The following RASGRP3 variants were observed in gnomAD, a reference collection of about 807,000 sequenced individuals.
The protein encoded by RASGRP3 is ras guanyl-releasing protein 3.
RASGRP3 carries 54 observed loss-of-function variants against 82.7 expected under a neutral mutation model. That is an observed-to-expected ratio of 0.65 (90% CI 0.52 to 0.82). The LOEUF (loss-of-function observed/expected upper bound fraction) is 0.82. Among genes scored for constraint, RASGRP3 ranks in the 40% least tolerant of loss-of-function variants. RASGRP3 has a pLI of 0.00. For missense variants in RASGRP3, 861 were observed against 828.9 expected (o/e 1.04, Z -0.48); for synonymous variants, 309 against 300.5 (o/e 1.03, Z -0.29).
At chr2:33,529,617 G>A (rs562352125) in intron 10 of RASGRP3, among the ~76,000 whole-genome samples, 1 of 152,030 alleles carries the variant, frequency 6.6e-6, no homozygotes, top group South Asian at 2.1e-4. Flanking sequence ...AAACTTAGAA[G>A]CCATCAAGCA....
chr2:33,457,305 C>G (rs576551794), intron 2 of RASGRP3, among the ~76,000 whole-genome samples: 2 of 151,798 alleles, frequency 1.3e-5, no homozygotes, highest in Non-Finnish European at 2.9e-5. Context: ...TTAAAAAAAC[C>G]TGGAACCCTC....
rs187480242 is a variant in RASGRP3, at chr2:33,446,927, A to C, written c.-384-893A>C. On this transcript the variant is annotated intron_variant, in intron 1 of 18. Transcript: ENST00000402538. ...GGGAGGCCGAGGCGGGTGCATTACGAGGTCAGGAGATGGAAACCATCCTGG... is the reference window on the plus strand; with the variant it reads ...GGGAGGCCGAGGCGGGTGCATTACGCGGTCAGGAGATGGAAACCATCCTGG... 2.6e-5 allele frequency among the ~76,000 whole-genome samples: 4 copies of C among 151,862 alleles called. No homozygotes were observed. The East Asian group carries it at 7.8e-4, about 30-fold the overall frequency.
rs377114910 is a variant in RASGRP3 at position 33,519,981 on chromosome 2, A to G, written c.203A>G (p.Asn68Ser). 15 of 1,610,204 alleles carry G rather than the reference A, an allele frequency of 9.3e-6. No homozygotes were observed. The highest frequency in any genetic ancestry group is 8.0e-5 in the African/African-American group (6 of 74,898). ...MYRNATGESC[N>S]EFRLKICYFM... ...CGAAATGCCACTGGAGAAAGCTGCA[A>G]TGAATTTCGATTAAAGATCTGCTAC... Residue 68 changes from asparagine to serine, a missense_variant, in exon 5 of 18, where the codon AAT (asparagine) becomes AGT (serine). Asn to Ser is a conservative substitution (Grantham distance 46). Coordinates refer to ENST00000403687, the MANE Select transcript of RASGRP3 (RefSeq NM_001139488.2).
intron 6 of RASGRP3, among the ~76,000 whole-genome samples, chr2:33,521,054 T>C (rs952856201): frequency 6.6e-6 from 1 of 152,208 alleles, no homozygotes; most frequent in African/African-American, 2.4e-5. Flanking sequence ...ACCAGCAGCA[T>C]TGGCGTTACC....
rs559173161 is a variant in RASGRP3 at position 33,563,672 on chromosome 2, A to C, written c.*935A>C. 6.6e-6 allele frequency: 1 copy of C among 150,966 alleles called. No homozygotes were observed. The highest frequency in any genetic ancestry group is 1.5e-5 in the Non-Finnish European group (1 of 67,862). 9.4% of individuals were successfully genotyped at this position (150,966 alleles called of 1,614,324 possible). ...AACCATCAATTTTTTTAAACTCAAT[A>C]ATTTTGTGAAAAAAAAAACCACCAC... On this transcript the variant is annotated 3_prime_UTR_variant, in exon 18 of 18. Coordinates refer to ENST00000403687, the MANE Select transcript of RASGRP3 (RefSeq NM_001139488.2).
At chr2:33,479,751 C>G (rs1471231485) in intron 1 of RASGRP3, among the ~76,000 whole-genome samples, 1 of 152,128 alleles carries the variant, frequency 6.6e-6, no homozygotes, top group Non-Finnish European at 1.5e-5. Flanking sequence ...TTTTCTGGGT[C>G]ATCAGACTTG....
At chr2:33,440,598 G>A (rs373663336) in intron 1 of RASGRP3, among the ~76,000 whole-genome samples, 55 of 152,260 alleles carry the variant, frequency 3.6e-4, no homozygotes, top group Middle Eastern at 3.4e-3. Context: ...GATGGCCCTC[G>A]TAGAATTCTC....
intron 1 of RASGRP3, among the ~76,000 whole-genome samples, chr2:33,441,082 A>G (rs1665200282): frequency 6.6e-6 from 1 of 152,070 alleles, no homozygotes; most frequent in Non-Finnish European, 1.5e-5. Context: ...TAGTAGAAAC[A>G]GGGTTTCACC....
At position 33,524,482 on chromosome 2, in the gene RASGRP3, C is replaced by A; in HGVS notation, c.741C>A (p.Gly247=). Reference sequence around the variant, plus strand: ...ACACCCTGATGGCAGTGGTGGGAGGCCTCAGTCATAGTTCCATTTCACGCC... The same window carrying A: ...ACACCCTGATGGCAGTGGTGGGAGGACTCAGTCATAGTTCCATTTCACGCC... ...NFNTLMAVVG[G]LSHSSISRLK... The change falls in exon 9 of 18, where the codon GGC becomes GGA. Residue 247 remains glycine (G), a synonymous_variant. Transcript: ENST00000403687. 6.2e-7 allele frequency: 1 copy of A among 1,606,094 alleles called. No individual in the cohort carries two copies. The highest frequency in any genetic ancestry group is 1.1e-5 in the South Asian group (1 of 88,832).
Position 33,527,391 on chromosome 2 carries a change from G to A in RASGRP3, c.1062G>A (p.Met354Ile), listed in dbSNP as rs1342523958. Reference sequence around the variant, plus strand: ...CCTCTCACCACTTAGAACCCAACATGGATTTGATCAACCTGCTCACGGTGA... The same window carrying A: ...CCTCTCACCACTTAGAACCCAACATAGATTTGATCAACCTGCTCACGGTGA... ...QNASHHLEPN[M>I]DLINLLTLSL... is the part of the protein sequence containing the mutation. The change falls in exon 10 of 18, where the codon ATG becomes ATA. Residue 354 changes from methionine (M) to isoleucine (I), a missense_variant. Coordinates refer to ENST00000403687, the MANE Select transcript of RASGRP3 (RefSeq NM_001139488.2). The A allele has an allele frequency of 6.2e-7, 1 of 1,613,214 alleles. No homozygotes were observed. Among genetic ancestry groups the A allele is most frequent in the East Asian group, 2.2e-5 (1 of 44,868 alleles).
intron 2 of RASGRP3, among the ~76,000 whole-genome samples, chr2:33,458,368 AC>A (rs1205874013): frequency 6.6e-6 from 1 of 152,110 alleles, no homozygotes; most frequent in Non-Finnish European, 1.5e-5. Context: ...CAGCAGGGAA[AC>A]TTGTGCTCAG....
intron 1 of RASGRP3, among the ~76,000 whole-genome samples, chr2:33,445,034 T>C (rs1665428650): frequency 6.6e-6 from 1 of 152,172 alleles, no homozygotes; most frequent in Admixed American, 6.5e-5. Context: ...ACGCACATAC[T>C]TCCAACATTG....
chr2:33,527,444 T>A (rs979084764), intron 10 of RASGRP3, 32 bp downstream of exon 10: 6 of 1,581,068 alleles, frequency 3.8e-6, no homozygotes, highest in African/African-American at 2.7e-5. Flanking sequence ...TTGGGCTCAA[T>A]AATTCTTCTG....
intron 11 of RASGRP3, among the ~76,000 whole-genome samples, chr2:33,535,865 C>A (rs1673552990): frequency 6.6e-6 from 1 of 152,176 alleles, no homozygotes; most frequent in African/African-American, 2.4e-5. Flanking sequence ...TCATGACGAA[C>A]CTGGCCATGG....
chr2:33,547,417 A>G (rs1674905734), intron 13 of RASGRP3, among the ~76,000 whole-genome samples: 1 of 133,164 alleles, frequency 7.5e-6, no homozygotes, highest in African/African-American at 2.9e-5. Flanking sequence ...AAGTACAAAA[A>G]TCAAAGTTAT....
chr2:33,558,790 C>T lies in RASGRP3; in HGVS notation c.1824C>T (p.Ala608=), dbSNP rs1315693020. ...SRKISVRLQR[A]TTSQATQTEP... is the part of the protein sequence containing the mutation. ...AGATCTCTGTGAGGCTACAGAGGGC[C>T]ACCACCAGCCAGGCCACCCAGACTG... Residue 608 remains alanine, a synonymous_variant, in exon 17 of 18, where the codon GCC becomes GCT. Transcript: ENST00000403687. 5.0e-6 allele frequency: 8 copies of T among 1,613,876 alleles called. No homozygotes were observed. The highest frequency in any genetic ancestry group is 6.8e-6 in the Non-Finnish European group (8 of 1,179,906).
intron 2 of RASGRP3, among the ~76,000 whole-genome samples, chr2:33,448,147 T>C (rs948408343): frequency 1.3e-5 from 2 of 152,258 alleles, no homozygotes; most frequent in African/African-American, 4.8e-5. Flanking sequence ...TCTTCAGAAA[T>C]GCTATAACAT....
chr2:33,449,867 A>T (rs1034476946), intron 2 of RASGRP3, among the ~76,000 whole-genome samples: 1 of 152,242 alleles, frequency 6.6e-6, no homozygotes, highest in Non-Finnish European at 1.5e-5. Flanking sequence ...AAGATAAGAA[A>T]GGTATTTTAT....
At chr2:33,446,406 C>T (rs1390943834) in intron 1 of RASGRP3, among the ~76,000 whole-genome samples, 1 of 152,140 alleles carries the variant, frequency 6.6e-6, no homozygotes, top group Admixed American at 6.5e-5. Flanking sequence ...ATCCACCCGC[C>T]TCGGCCTCCC....
Sources: allele counts gnomAD v4.1 joint callset (sites outside exome capture counted in the v4.1 genomes callset), GRCh38; gene constraint gnomAD v4.1.1; transcripts MANE v1.5; gene names NCBI Gene and HGNC (gene_info 2026-07-23, HGNC 2026-07-21).